The following CDH4 variants were observed in gnomAD, a reference collection of about 807,000 sequenced individuals.
The protein encoded by CDH4 is cadherin 4.
CDH4 carries 33 observed loss-of-function variants against 86.0 expected under a neutral mutation model. The ratio of observed to expected loss-of-function variants is 0.38; its 90% confidence interval spans 0.29 to 0.51. CDH4 has a LOEUF of 0.51. CDH4 is among the 20% of genes least tolerant of loss of function. The pLI, the probability that CDH4 is intolerant of heterozygous loss-of-function variation, is 0.86. For synonymous variants in CDH4, 555 were observed against 549.4 expected, an observed-to-expected ratio of 1.01 and a Z score of -0.14; for missense variants, 1,114 against 1,307.4, an observed-to-expected ratio of 0.85 and a Z score of 2.28.
chr20:61,360,535 C>G (rs28635796), intron 2 of CDH4, among the ~76,000 whole-genome samples: 1 of 152,192 alleles, frequency 6.6e-6, no homozygotes, highest in Non-Finnish European at 1.5e-5. Flanking sequence ...ACCCTCCCGC[C>G]TAGGAGCAGG....
chr20:61,465,306 A>G (rs1251109213), intron 2 of CDH4, among the ~76,000 whole-genome samples: 1 of 152,232 alleles, frequency 6.6e-6, no homozygotes, highest in Non-Finnish European at 1.5e-5. Context: ...ATTTTAAAAA[A>G]AAGCTTTCCA....
chr20:61,318,298 C>A (rs2084488680), intron 2 of CDH4, among the ~76,000 whole-genome samples: 1 of 152,218 alleles, frequency 6.6e-6, no homozygotes, highest in Non-Finnish European at 1.5e-5. Context: ...CAGAAGACAC[C>A]AGCCTGGGAT....
intron 2 of CDH4, among the ~76,000 whole-genome samples, chr20:61,407,104 T>C (rs2085088719): frequency 2.6e-5 from 4 of 152,292 alleles, no homozygotes; most frequent in Middle Eastern, 3.4e-3. Context: ...GTCTCTACTG[T>C]CCCCACCAAG....
At chr20:61,841,822 G>C (rs1472129394) in intron 4 of CDH4, among the ~76,000 whole-genome samples, 1 of 152,186 alleles carries the variant, frequency 6.6e-6, no homozygotes, top group African/African-American at 2.4e-5. Flanking sequence ...ATGTCTCCTA[G>C]CACGTGAGCA....
rs554181351 is a variant in CDH4, at chr20:61,799,704, A to G, written c.576+26522A>G. 7.8e-4 allele frequency among the ~76,000 whole-genome samples: 119 copies of G among 152,232 alleles called. 2 individuals are homozygous for G. In the South Asian group the frequency reaches 0.023, roughly 30 times the overall value. ...AGCTGGGCCCAGGGAGCTCCTCTCC[A>G]TCTCTCCTGGGTCCTTCAAGCCCCT... On this transcript the variant is annotated intron_variant, in intron 4 of 15. Coordinates refer to ENST00000614565, the MANE Select transcript of CDH4 (RefSeq NM_001794.5).
At chr20:61,773,917 G>A (rs1351512494) in intron 4 of CDH4, among the ~76,000 whole-genome samples, 1 of 152,192 alleles carries the variant, frequency 6.6e-6, no homozygotes, top group Non-Finnish European at 1.5e-5. Context: ...TTTCAATGCA[G>A]AAGGCTGGGC....
intron 2 of CDH4, among the ~76,000 whole-genome samples, chr20:61,579,076 C>T (rs955106093): frequency 7.2e-5 from 11 of 152,252 alleles, no homozygotes; most frequent in Non-Finnish European, 1.2e-4. Flanking sequence ...CACAGACAGG[C>T]GTCCTCCCAC....
chr20:61,814,067 A>G (rs1247356394), intron 4 of CDH4, among the ~76,000 whole-genome samples: 1 of 152,188 alleles, frequency 6.6e-6, no homozygotes, highest in Non-Finnish European at 1.5e-5. Flanking sequence ...AGCCCACCCC[A>G]GGTGCCGGGC....
At chr20:61,831,624 A>T (rs1981618171) in intron 4 of CDH4, among the ~76,000 whole-genome samples, 1 of 152,190 alleles carries the variant, frequency 6.6e-6, no homozygotes, top group Non-Finnish European at 1.5e-5. Context: ...ATGCCGAACA[A>T]AGCAAATGTC....
chr20:61,631,359 A>G, intron 2 of CDH4, among the ~76,000 whole-genome samples: 1 of 152,324 alleles, frequency 6.6e-6, no homozygotes, highest in Non-Finnish European at 1.5e-5. Flanking sequence ...AAGTGGGGCC[A>G]TGGCTGGGTG....
chr20:61,277,101 C>G (rs945518963), intron 2 of CDH4, among the ~76,000 whole-genome samples: 2 of 152,182 alleles, frequency 1.3e-5, no homozygotes, highest in Non-Finnish European at 2.9e-5. Context: ...CTAGAACTTG[C>G]TAGCCCTTCC....
intron 2 of CDH4, among the ~76,000 whole-genome samples, chr20:61,589,755 C>T (rs980860060): frequency 6.6e-6 from 1 of 151,874 alleles, no homozygotes; most frequent in African/African-American, 2.4e-5. Flanking sequence ...TATCCCTCCC[C>T]TCTCCCCCCA....
At chr20:61,530,270 A>G (rs2085942335) in intron 2 of CDH4, among the ~76,000 whole-genome samples, 2 of 152,054 alleles carry the variant, frequency 1.3e-5, no homozygotes, top group South Asian at 2.1e-4. Flanking sequence ...ACCTCAAGTG[A>G]TCCGCCCCTT....
intron 9 of CDH4, among the ~76,000 whole-genome samples, chr20:61,913,800 A>C (rs1322230547): frequency 6.6e-6 from 1 of 152,112 alleles, no homozygotes; most frequent in Admixed American, 6.5e-5. Flanking sequence ...TGAATTTTGG[A>C]GGCAGAGAGG....
chr20:61,860,665 C>T (rs1450512372), intron 6 of CDH4, among the ~76,000 whole-genome samples: 3 of 152,312 alleles, frequency 2.0e-5, no homozygotes, highest in East Asian at 3.9e-4. Context: ...AGCAGGTTCT[C>T]AGGAGGGGAA....
chr20:61,886,121 G>A (rs1984528441), intron 7 of CDH4, among the ~76,000 whole-genome samples: 1 of 152,248 alleles, frequency 6.6e-6, no homozygotes, highest in Non-Finnish European at 1.5e-5. Context: ...CCCAGAGCAG[G>A]TGGGGGAGGC....
At chr20:61,331,638 C>G (rs1391007672) in intron 2 of CDH4, among the ~76,000 whole-genome samples, 8 of 23,208 alleles carry the variant, frequency 3.4e-4, no homozygotes, top group East Asian at 9.4e-4. Flanking sequence ...CTGCCCCAGA[C>G]CCACCTCCCG....
intron 2 of CDH4, among the ~76,000 whole-genome samples, chr20:61,272,496 T>C (rs2084188586): frequency 6.6e-6 from 1 of 152,260 alleles, no homozygotes. Context: ...CCCTTATCAG[T>C]TTTGAAATAA....
At chr20:61,651,927 A>G (rs1325715739) in intron 2 of CDH4, among the ~76,000 whole-genome samples, 2 of 152,186 alleles carry the variant, frequency 1.3e-5, no homozygotes, top group Admixed American at 6.5e-5. Context: ...AGGCCCTGCA[A>G]TGGTCCTGCT....
Sources: allele counts gnomAD v4.1 joint callset (sites outside exome capture counted in the v4.1 genomes callset), GRCh38; gene constraint gnomAD v4.1.1; transcripts MANE v1.5; gene names NCBI Gene and HGNC (gene_info 2026-07-23, HGNC 2026-07-21).